The following RGS9 variants were observed in gnomAD, a reference collection of about 807,000 sequenced individuals.
RGS9 encodes the protein regulator of G protein signaling 9, also known as regulator of G-protein signalling 9.
A neutral mutation model predicts 102.0 loss-of-function variants in RGS9; 78 were observed. That is an observed-to-expected ratio of 0.76 (90% CI 0.64 to 0.92). RGS9 has a LOEUF of 0.92. RGS9 is among the 40% of genes least tolerant of loss of function. The probability of loss-of-function intolerance (pLI) is 0.00; values close to 1 mark genes in which losing one functional copy is unlikely to be tolerated. For missense variants in RGS9, 833 were observed against 866.1 expected (o/e 0.96, Z 0.48); for synonymous variants, 353 against 318.6 (o/e 1.11, Z -1.15).
intron 2 of RGS9, among the ~76,000 whole-genome samples, chr17:65,154,788 C>T (rs748577722): frequency 1.3e-5 from 2 of 152,220 alleles, no homozygotes; most frequent in African/African-American, 2.4e-5. Flanking sequence ...CATACTTAGG[C>T]GTATTGCCTG....
intron 17 of RGS9, among the ~76,000 whole-genome samples, chr17:65,215,489 G>GTTCTTTCTTTCTTTCTTTCTTTCTTTCT (rs1453846214): frequency 8.6e-6 from 1 of 116,130 alleles, no homozygotes; most frequent in Non-Finnish European, 1.9e-5. Context: ...TCTTTCTTTC[G>GTTCTTTCTTTCTTTCTTTCTTTCTTTCT]TTCTTTCGTT....
rs1912953948 is a variant in RGS9, at chr17:65,204,083, C to T, written c.1065-80C>T. 3.9e-6 allele frequency: 6 copies of T among 1,552,288 alleles called. No individual in the cohort carries two copies. In the South Asian group the frequency reaches 6.7e-5, roughly 17 times the overall value. The stretch of plus-strand genomic sequence containing the variant: ...CCTCGGTAACCGATTCGTATCAGTC[C>T]TTCCCTCCCAAGCAGCTGTGAGCTA... On this transcript the variant is annotated intron_variant, in intron 14 of 18. Coordinates refer to ENST00000262406, the MANE Select transcript of RGS9 (RefSeq NM_003835.4).
At chr17:65,226,657 AG>A (rs1483733784) in intron 18 of RGS9, among the ~76,000 whole-genome samples, 2 of 151,214 alleles carry the variant, frequency 1.3e-5, no homozygotes, top group African/African-American at 4.9e-5. Flanking sequence ...CTGTAGTCCA[AG>A]CTGGAGTGCA....
intron 8 of RGS9, among the ~76,000 whole-genome samples, chr17:65,169,770 C>G (rs965139608): frequency 5.9e-5 from 9 of 152,152 alleles, no homozygotes; most frequent in Non-Finnish European, 7.4e-5. Flanking sequence ...TGGCTCTTCA[C>G]AGGATGATGC....
At position 65,172,930 on chromosome 17, in the gene RGS9, C is replaced by CTT. The variant is rs543976250; in HGVS notation, c.582+4658_582+4659dup. On this transcript the variant is annotated intron_variant, in intron 8 of 18. Transcript: ENST00000262406. ...TTCTTTTTTCTTTCTTTCTTTCTTT[C>CTT]TTTTTTTTTTGAGATGGAGTGTTGC... Among the ~76,000 whole-genome samples the CTT allele has an allele frequency of 3.0e-3, 451 of 148,184 alleles. 2 individuals are homozygous for CTT. The highest frequency in any genetic ancestry group is 0.01 in the African/African-American group (406 of 40,166).
At position 65,193,653 on chromosome 17, in the gene RGS9, A is replaced by G. The variant is rs1912467213; in HGVS notation, c.857A>G (p.Lys286Arg). Residue 286 changes from lysine (K) to arginine (R), a missense_variant, in exon 12 of 19, where the codon AAA (lysine) becomes AGA (arginine). Physicochemically the swap from Lys to Arg is conservative, Grantham distance 26 (BLOSUM62 2). Transcript: ENST00000262406. ...ACCCAGTTCTGGGACTTAAATGCCAAATTGTATGTATTTTATATATTGGTG... is the reference window on the plus strand; with the variant it reads ...ACCCAGTTCTGGGACTTAAATGCCAGATTGTATGTATTTTATATATTGGTG... ...DDTQFWDLNA[K>R]LVEIPTKMRV... 6.3e-7 allele frequency: 1 copy of G among 1,596,286 alleles called. No individual in the cohort carries two copies. The highest frequency in any genetic ancestry group is 8.6e-7 in the Non-Finnish European group (1 of 1,163,724).
intron 9 of RGS9, among the ~76,000 whole-genome samples, chr17:65,180,440 C>T (rs1244259020): frequency 2.6e-5 from 4 of 152,114 alleles, no homozygotes; most frequent in African/African-American, 9.7e-5. Context: ...CCTCCGCCTT[C>T]CGGGTTGAAG....
In RGS9 at chr17:65,160,486, T is replaced by C. The variant is rs757707567; in HGVS notation, c.313-50T>C. On this transcript the variant is annotated intron_variant, in intron 4 of 18. Transcript: ENST00000262406. Reference sequence around the variant, plus strand: ...TCTTTAGTCACAGGGTTGGGGTCCATTGAGTCACAATCCAGTTTTAAAGCG... The same window carrying C: ...TCTTTAGTCACAGGGTTGGGGTCCACTGAGTCACAATCCAGTTTTAAAGCG... The C allele has an allele frequency of 3.7e-6, 6 of 1,609,774 alleles. No homozygotes were observed. The African/African-American group carries it at 6.7e-5, about 18-fold the overall frequency.
At chr17:65,177,653 A>T in intron 8 of RGS9, 79 bp from the exon 9 acceptor site, 1 of 1,348,494 alleles carries the variant, frequency 7.4e-7, no homozygotes, top group Non-Finnish European at 1.1e-6. Flanking sequence ...CACAATTGGC[A>T]GATTAACCAA....
Position 65,137,601 on chromosome 17 carries a change from A to T in RGS9, c.57+4A>T. On this transcript the variant is annotated splice_donor_region_variant and intron_variant, in intron 1 of 18. Transcript: ENST00000262406. ...GAGGATGGCATTTCTCCAAAAGGTAACCCTGGCCCCTCACCTGGACCCTGG... is the reference window on the plus strand; with the variant it reads ...GAGGATGGCATTTCTCCAAAAGGTATCCCTGGCCCCTCACCTGGACCCTGG... The T allele has an allele frequency of 6.2e-7, 1 of 1,613,604 alleles. No homozygotes were observed.
intron 14 of RGS9, 92 bp downstream of exon 14, chr17:65,202,172 C>G: frequency 1.2e-6 from 1 of 854,652 alleles, no homozygotes; most frequent in South Asian, 1.4e-5. Context: ...GAGAGGACAA[C>G]AGCCTGGTAG....
At chr17:65,199,566 T>G (rs1479966856) in intron 13 of RGS9, among the ~76,000 whole-genome samples, 1 of 143,900 alleles carries the variant, frequency 6.9e-6, no homozygotes, top group African/African-American at 2.5e-5. Context: ...TGATCTCATC[T>G]CACTGCAACT....
intron 2 of RGS9, among the ~76,000 whole-genome samples, chr17:65,154,647 T>G (rs1021138406): frequency 6.6e-6 from 1 of 152,166 alleles, no homozygotes; most frequent in Non-Finnish European, 1.5e-5. Context: ...TCTCTGTGTG[T>G]GGGGGTGAGG....
intron 17 of RGS9, among the ~76,000 whole-genome samples, chr17:65,224,246 C>T (rs1362720289): frequency 6.6e-6 from 1 of 152,246 alleles, no homozygotes; most frequent in Non-Finnish European, 1.5e-5. Flanking sequence ...GCCAGATTTA[C>T]CCCTCCTGGC....
chr17:65,197,355 A>T (rs1274299298), intron 13 of RGS9, 114 bp downstream of exon 13: 2 of 756,806 alleles, frequency 2.6e-6, no homozygotes, highest in East Asian at 5.4e-5. Context: ...AGCTTTGCTT[A>T]TGCCCTTAAA....
rs1567898079 is a variant in RGS9, at chr17:65,225,499, A to C, written c.1892+13A>C. On this transcript the variant is annotated intron_variant, in intron 18 of 18. Coordinates refer to ENST00000262406, the MANE Select transcript of RGS9 (RefSeq NM_003835.4). ...AGAGAGTAGCAAAGTAAGAACCCGA[A>C]GGGGACGTGCCGTATGCATGGGTGG... 6.2e-7 allele frequency: 1 copy of C among 1,600,066 alleles called. No homozygotes were observed. The highest frequency in any genetic ancestry group is 8.5e-7 in the Non-Finnish European group (1 of 1,179,862).
In RGS9 at chr17:65,163,051, G is replaced by T. The variant is rs1393718181; in HGVS notation, c.462G>T (p.Lys154Asn). The T allele has an allele frequency of 1.2e-6, 2 of 1,604,270 alleles. No homozygotes were observed. ...TCTTGAACCAAAAAATGAACTATAAGTGGGACTTTGTCATTATGCAGGCCA... is the reference window on the plus strand; with the variant it reads ...TCTTGAACCAAAAAATGAACTATAATTGGGACTTTGTCATTATGCAGGCCA... ...YNFLNQKMNY[K>N]WDFVIMQAKE... The change falls in exon 7 of 19, where the codon AAG becomes AAT. Residue 154 changes from lysine (K) to asparagine (N), a missense_variant. Around this residue, in one of 3 missense-constraint regions of RGS9, gnomAD observed 328 missense variants for 340.6 expected, o/e 0.96. Transcript: ENST00000262406.
chr17:65,208,568 A>G (rs1475318847), intron 16 of RGS9, among the ~76,000 whole-genome samples: 1 of 152,174 alleles, frequency 6.6e-6, no homozygotes, highest in Non-Finnish European at 1.5e-5. Flanking sequence ...CATTGGGACA[A>G]TGGACGAAAT....
chr17:65,153,324 C>A, intron 1 of RGS9, 98 bp from the exon 2 acceptor site: 1 of 1,021,742 alleles, frequency 9.8e-7, no homozygotes, highest in Non-Finnish European at 1.6e-6. Context: ...CTGTGTCCAC[C>A]TTTGCATTTT....
Sources: allele counts gnomAD v4.1 joint callset (sites outside exome capture counted in the v4.1 genomes callset), GRCh38; gene constraint gnomAD v4.1.1; regional missense constraint gnomAD v4.1.1; transcripts MANE v1.5; gene names NCBI Gene and HGNC (gene_info 2026-07-23, HGNC 2026-07-21).